EPHB2: variants seen among roughly 807,000 people sequenced by gnomAD.
EPHB2 encodes ephrin type-B receptor 2.
A neutral mutation model predicts 96.4 loss-of-function variants in EPHB2; 18 were observed. The observed-to-expected ratio is 0.19, with a 90% confidence interval of 0.13 to 0.28. The LOEUF (loss-of-function observed/expected upper bound fraction) is 0.28, where lower values mean the gene tolerates loss of function less well. Among genes scored for constraint, EPHB2 ranks in the 10% least tolerant of loss-of-function variants. The probability of loss-of-function intolerance (pLI) is 1.00; values close to 1 mark genes in which losing one functional copy is unlikely to be tolerated. For missense variants in EPHB2, 989 were observed against 1,355.4 expected, an observed-to-expected ratio of 0.73 and a Z score of 4.25; for synonymous variants, 506 against 534.1, an observed-to-expected ratio of 0.95 and a Z score of 0.72.
chr1:22,804,953 A>C (rs892122760), intron 3 of EPHB2, among the ~76,000 whole-genome samples: 1 of 151,670 alleles, frequency 6.6e-6, no homozygotes, highest in Admixed American at 6.6e-5. Flanking sequence ...GTGCCTGGAC[A>C]TGCCAGGGAC....
At chr1:22,866,875 A>T (rs796666885) in intron 5 of EPHB2, among the ~76,000 whole-genome samples, 2 of 152,168 alleles carry the variant, frequency 1.3e-5, no homozygotes, top group African/African-American at 4.8e-5. Context: ...TGAATGTTGC[A>T]GTGAGCCGAG....
At chr1:22,745,943 A>G (rs1019056891) in intron 1 of EPHB2, among the ~76,000 whole-genome samples, 3 of 152,218 alleles carry the variant, frequency 2.0e-5, no homozygotes, top group Non-Finnish European at 4.4e-5. Flanking sequence ...ACACCTCAGC[A>G]GTCAGCCTGC....
chr1:22,851,712 T>TTCC (rs1645628146), intron 3 of EPHB2, among the ~76,000 whole-genome samples: 1 of 152,228 alleles, frequency 6.6e-6, no homozygotes, highest in African/African-American at 2.4e-5. Context: ...CCTCATCTCC[T>TTCC]TCCTCTCCTG....
At chr1:22,765,811 C>T (rs1215057956) in intron 1 of EPHB2, among the ~76,000 whole-genome samples, 1 of 152,132 alleles carries the variant, frequency 6.6e-6, no homozygotes, top group African/African-American at 2.4e-5. Context: ...GTGACCCCTT[C>T]ACAACCTTTG....
intron 3 of EPHB2, among the ~76,000 whole-genome samples, chr1:22,853,578 G>C (rs544242106): frequency 6.6e-6 from 1 of 152,358 alleles, no homozygotes; most frequent in East Asian, 1.9e-4. Context: ...CAGTTGATTC[G>C]GGCTGGAGTG....
In EPHB2 at chr1:22,784,842, T is replaced by C. The variant is rs780145210; in HGVS notation, c.577T>C (p.Phe193Leu). ...CATGTCCCTCATCGCCGTGCGTGTCTTCTACCGCAAGTGCCCCCGCATCAT... is the reference window on the plus strand; with the variant it reads ...CATGTCCCTCATCGCCGTGCGTGTCCTCTACCGCAAGTGCCCCCGCATCAT... ...GCMSLIAVRV[F>L]YRKCPRIIQN... Residue 193 changes from phenylalanine to leucine, a missense_variant, in exon 3 of 16, where the codon TTC (phenylalanine) becomes CTC (leucine). By Grantham distance (22) the Phe-to-Leu change is conservative. Transcript: ENST00000374630. The surrounding 1 kb of genome is among the most constrained non-coding windows in gnomAD (Gnocchi z 5.1). The C allele has an allele frequency of 5.6e-6, 9 of 1,608,152 alleles. No homozygotes were observed. In the East Asian group the frequency reaches 2.0e-4, roughly 36 times the overall value.
intron 5 of EPHB2, among the ~76,000 whole-genome samples, chr1:22,872,782 G>A (rs1452373180): frequency 6.6e-6 from 1 of 152,202 alleles, no homozygotes; most frequent in Non-Finnish European, 1.5e-5. Context: ...TGTGGGGCGG[G>A]CACACAATGG....
chr1:22,741,717 C>T (rs12043268), intron 1 of EPHB2, among the ~76,000 whole-genome samples: 27,424 of 142,046 alleles, frequency 0.19, 3,274 homozygotes, highest in East Asian at 0.48. Flanking sequence ...CAGTTTCTCA[C>T]GTTGGCTCTG....
intron 5 of EPHB2, among the ~76,000 whole-genome samples, chr1:22,878,721 A>G (rs760665048): frequency 3.3e-5 from 5 of 152,264 alleles, no homozygotes; most frequent in South Asian, 2.1e-4. Context: ...GTGGAGGAGC[A>G]GGGAGCTGCA....
Position 22,909,022 on chromosome 1 carries a change from G to A in EPHB2, c.2353G>A (p.Gly785Ser). The A allele has an allele frequency of 6.2e-7, 1 of 1,614,168 alleles. No individual in the cohort carries two copies. The highest frequency in any genetic ancestry group is 8.5e-7 in the Non-Finnish European group (1 of 1,180,020). ...AAACCCTCCTCTTTCTGTCTCCCAGGGCGGAAAGATCCCCATCCGCTGGAC... is the reference window on the plus strand; with the variant it reads ...AAACCCTCCTCTTTCTGTCTCCCAGAGCGGAAAGATCCCCATCCGCTGGAC... ...TSDPTYTSAL[G>S]GKIPIRWTAP... Residue 785 changes from glycine to serine, a missense_variant and splice_region_variant, in exon 13 of 16, where the codon GGC (glycine) becomes AGC (serine). Physicochemically the swap from Gly to Ser is moderately conservative, Grantham distance 56 (BLOSUM62 0). Coordinates refer to ENST00000374630, the MANE Select transcript of EPHB2 (RefSeq NM_017449.5).
intron 1 of EPHB2, among the ~76,000 whole-genome samples, chr1:22,780,921 A>G (rs1056392286): frequency 6.6e-6 from 1 of 151,930 alleles, no homozygotes; most frequent in South Asian, 2.1e-4. Flanking sequence ...GGGATAATGG[A>G]GTAGAGAGGC....
At chr1:22,738,345 A>G (rs1393310205) in intron 1 of EPHB2, among the ~76,000 whole-genome samples, 1 of 152,188 alleles carries the variant, frequency 6.6e-6, no homozygotes, top group African/African-American at 2.4e-5. Context: ...ACCCTCAAGC[A>G]TGTAGTGATG....
intron 1 of EPHB2, among the ~76,000 whole-genome samples, chr1:22,748,655 C>T (rs1644013050): frequency 6.6e-6 from 1 of 151,754 alleles, no homozygotes; most frequent in African/African-American, 2.4e-5. Context: ...GCTGAGATTA[C>T]AGGCGTGAGC....
chr1:22,782,536 C>A (rs1484267118), intron 2 of EPHB2, among the ~76,000 whole-genome samples: 2 of 151,944 alleles, frequency 1.3e-5, no homozygotes, highest in African/African-American at 2.4e-5. Flanking sequence ...TTTCTTGTCA[C>A]CAATTTTCCA....
intron 1 of EPHB2, among the ~76,000 whole-genome samples, chr1:22,711,449 G>T (rs1183391264): frequency 6.7e-6 from 1 of 149,742 alleles, no homozygotes; most frequent in Non-Finnish European, 1.5e-5. Context: ...CCGGCGCTCG[G>T]TCGGGGCTGG....
intron 1 of EPHB2, among the ~76,000 whole-genome samples, chr1:22,740,405 A>C (rs2148364236): frequency 6.6e-6 from 1 of 152,320 alleles, no homozygotes; most frequent in South Asian, 2.1e-4. Context: ...ATGAAATGCC[A>C]GTGGTACCCA....
intron 1 of EPHB2, among the ~76,000 whole-genome samples, chr1:22,772,000 G>T (rs1341947053): frequency 6.6e-6 from 1 of 152,064 alleles, no homozygotes; most frequent in Non-Finnish European, 1.5e-5. Context: ...TGTGTCCAGG[G>T]CTGTTCCCGT....
At chr1:22,902,835 A>C (rs187395771) in intron 9 of EPHB2, among the ~76,000 whole-genome samples, 5 of 152,168 alleles carry the variant, frequency 3.3e-5, no homozygotes, top group Non-Finnish European at 7.3e-5. Context: ...GTGGGTGTGG[A>C]CTCAGGACTG....
chr1:22,732,127 G>A (rs955913408), intron 1 of EPHB2, among the ~76,000 whole-genome samples: 1 of 152,198 alleles, frequency 6.6e-6, no homozygotes, highest in African/African-American at 2.4e-5. Context: ...GAGCTCCAGA[G>A]GTGATGAGCT....
Sources: allele counts gnomAD v4.1 joint callset (sites outside exome capture counted in the v4.1 genomes callset), GRCh38; gene constraint gnomAD v4.1.1; non-coding constraint Gnocchi (gnomAD v3.1); transcripts MANE v1.5; gene names NCBI Gene and HGNC (gene_info 2026-07-23, HGNC 2026-07-21).